The following TSGA10 variants were observed in gnomAD, a reference collection of about 807,000 sequenced individuals.
TSGA10 encodes the protein testis-specific gene 10 protein.
A neutral mutation model predicts 96.6 loss-of-function variants in TSGA10; 43 were observed. The observed-to-expected ratio is 0.44, with a 90% CI of 0.35 to 0.57. The LOEUF (loss-of-function observed/expected upper bound fraction) is 0.57. Among genes scored for constraint, TSGA10 ranks in the 20% least tolerant of loss-of-function variants. The pLI is 0.01. For missense variants in TSGA10, 703 were observed against 834.4 expected, an observed-to-expected ratio of 0.84 and a Z score of 1.94; for synonymous variants, 229 against 269.9, an observed-to-expected ratio of 0.85 and a Z score of 1.48.
chr2:99,011,053 C>A (rs567739197), intron 20 of TSGA10, among the ~76,000 whole-genome samples: 1 of 152,176 alleles, frequency 6.6e-6, no homozygotes, highest in Non-Finnish European at 1.5e-5. Flanking sequence ...CCAAGGTGGC[C>A]GTGGCAAGCC....
intron 13 of TSGA10, among the ~76,000 whole-genome samples, chr2:99,072,488 C>T (rs1384134930): frequency 6.6e-6 from 1 of 152,084 alleles, no homozygotes; most frequent in Non-Finnish European, 1.5e-5. Context: ...TGTCCCTGGC[C>T]AGAAACTTGG....
chr2:99,136,191 C>A (rs967460879), intron 1 of TSGA10, among the ~76,000 whole-genome samples: 1 of 152,304 alleles, frequency 6.6e-6, no homozygotes, highest in African/African-American at 2.4e-5. Flanking sequence ...TCCTACTGCT[C>A]TTTTCACTAA....
chr2:99,099,401 AAGTATTAGTTAACAT>A (rs1178861001), intron 10 of TSGA10, among the ~76,000 whole-genome samples: 1 of 152,218 alleles, frequency 6.6e-6, no homozygotes, highest in Non-Finnish European at 1.5e-5. Context: ...ATACAAAACA[AAGTATTAGTTAACAT>A]AGACCAACAA....
chr2:99,144,649 C>CAAAACAAAAAAAAA (rs2093613483), intron 1 of TSGA10, among the ~76,000 whole-genome samples: 1 of 52,272 alleles, frequency 1.9e-5, no homozygotes, highest in Non-Finnish European at 3.5e-5. Flanking sequence ...AACTCTGTCT[C>CAAAACAAAAAAAAA]AAAAAAAAAA....
At chr2:99,040,340 C>T (rs1573734360) in intron 16 of TSGA10, among the ~76,000 whole-genome samples, 1 of 152,136 alleles carries the variant, frequency 6.6e-6, no homozygotes, top group East Asian at 1.9e-4. Flanking sequence ...CACTGTTCGC[C>T]AATTATAGGA....
intron 17 of TSGA10, among the ~76,000 whole-genome samples, chr2:99,031,196 T>C (rs2081095646): frequency 1.4e-5 from 2 of 147,162 alleles, no homozygotes; most frequent in Non-Finnish European, 1.5e-5. Flanking sequence ...ATATACCCAA[T>C]TGATTTTTCA....
intron 10 of TSGA10, among the ~76,000 whole-genome samples, chr2:99,084,243 G>A (rs1045192894): frequency 2.0e-4 from 31 of 152,280 alleles, no homozygotes; most frequent in African/African-American, 7.5e-4. Context: ...CATCTGATAT[G>A]GTTTGGATGT....
chr2:99,059,784 C>T (rs919615916), intron 16 of TSGA10, among the ~76,000 whole-genome samples: 11 of 148,356 alleles, frequency 7.4e-5, no homozygotes, highest in Admixed American at 4.0e-4. Flanking sequence ...CATGGTGGCA[C>T]GCTCCTGTAT....
chr2:99,079,803 A>G (rs1405546966), intron 11 of TSGA10, among the ~76,000 whole-genome samples: 1 of 152,168 alleles, frequency 6.6e-6, no homozygotes. Flanking sequence ...TTCTAGGTTA[A>G]TCCCTACTAG....
chr2:99,117,423 A>T, intron 4 of TSGA10, 121 bp downstream of exon 4: 1 of 300,494 alleles, frequency 3.3e-6, no homozygotes, highest in Non-Finnish European at 4.9e-6. Flanking sequence ...ATTTAAATAT[A>T]CTGTCAAATC....
intron 9 of TSGA10, among the ~76,000 whole-genome samples, chr2:99,104,514 G>A (rs554167223): frequency 4.7e-5 from 7 of 148,846 alleles, no homozygotes; most frequent in East Asian, 3.9e-4. Flanking sequence ...TCGCTCCATC[G>A]CCCAGGTTGA....
Position 99,074,314 on chromosome 2 carries a change from G to A in TSGA10, c.883-1241C>T, listed in dbSNP as rs996976072. On this transcript the variant is annotated intron_variant, in intron 12 of 20. Coordinates refer to ENST00000393483, the MANE Select transcript of TSGA10 (RefSeq NM_025244.4). ...CAGGCGTAAGCCACTGCGCCCGGCC[G>A]TTCCTATTTCTTTAGCGTTAGTTTT... Among the ~76,000 whole-genome samples the A allele has an allele frequency of 7.3e-5, 11 of 150,572 alleles. No homozygotes were observed. The East Asian group carries it at 1.2e-3, about 16-fold the overall frequency.
At chr2:99,066,492 AGGTGTG>A (rs1393818006) in intron 15 of TSGA10, among the ~76,000 whole-genome samples, 1 of 152,130 alleles carries the variant, frequency 6.6e-6, no homozygotes, top group Non-Finnish European at 1.5e-5. Flanking sequence ...TTGTGTTGCT[AGGTGTG>A]GATGTAAAGC....
intron 16 of TSGA10, among the ~76,000 whole-genome samples, chr2:99,039,620 A>C (rs2104183545): frequency 6.6e-6 from 1 of 152,062 alleles, no homozygotes; most frequent in South Asian, 2.1e-4. Flanking sequence ...AAAAAACAAG[A>C]AACAAAAACA....
chr2:99,043,426 G>A (rs1414839864), intron 16 of TSGA10, among the ~76,000 whole-genome samples: 1 of 152,078 alleles, frequency 6.6e-6, no homozygotes. Flanking sequence ...TACATATAAT[G>A]ATAGTAGTAG....
At chr2:99,000,633 G>A (rs776480253) in intron 20 of TSGA10, among the ~76,000 whole-genome samples, 26 of 152,186 alleles carry the variant, frequency 1.7e-4, no homozygotes, top group Non-Finnish European at 5.9e-5. Context: ...TGAGGTACCA[G>A]GTTCATCTCA....
At chr2:99,102,478 T>C (rs1308869505) in intron 10 of TSGA10, 2 of 1,613,852 alleles carry the variant, frequency 1.2e-6, no homozygotes, top group Non-Finnish European at 1.7e-6. Context: ...GCCCTTGCTC[T>C]GATTTTTGCC....
Position 99,105,352 on chromosome 2 carries a change from T to C in TSGA10, c.459+7A>G, listed in dbSNP as rs1268513628. 2 of 1,583,294 alleles carry C rather than the reference T, an allele frequency of 1.3e-6. No individual in the cohort carries two copies. Among genetic ancestry groups the C allele is most frequent in the Non-Finnish European group, 8.5e-7 (1 of 1,172,044 alleles). On this transcript the variant is annotated splice_region_variant and intron_variant, in intron 9 of 20. Transcript: ENST00000393483. ...CAAAAGAGACTTTTCTTTTTTTTTT[T>C]TTTTACATTATGAACTGTACACTCC...
At chr2:99,101,135 G>A (rs1187151173) in intron 10 of TSGA10, among the ~76,000 whole-genome samples, 1 of 147,030 alleles carries the variant, frequency 6.8e-6, no homozygotes, top group Non-Finnish European at 1.5e-5. Context: ...CGTGGTGGCG[G>A]GCACCTGCTA....
Sources: allele counts gnomAD v4.1 joint callset (sites outside exome capture counted in the v4.1 genomes callset), GRCh38; gene constraint gnomAD v4.1.1; transcripts MANE v1.5; gene names NCBI Gene and HGNC (gene_info 2026-07-23, HGNC 2026-07-21).